The following SLC39A11 variants were observed in gnomAD, a reference collection of about 807,000 sequenced individuals.
The protein encoded by SLC39A11 is zinc transporter ZIP11.
SLC39A11 carries 33 observed loss-of-function variants against 36.1 expected under a neutral mutation model. The observed-to-expected ratio is 0.91, with a 90% confidence interval of 0.69 to 1.22. The LOEUF (loss-of-function observed/expected upper bound fraction) is 1.22. Ranked by LOEUF, SLC39A11 falls within the 50% of genes most tolerant of loss-of-function variation. SLC39A11 has a pLI of 0.00. For missense variants in SLC39A11, 432 were observed against 430.3 expected, an observed-to-expected ratio of 1.00 and a Z score of -0.03; for synonymous variants, 166 against 170.3, an observed-to-expected ratio of 0.97 and a Z score of 0.20.
chr17:72,817,237 G>A (rs1454259033), intron 6 of SLC39A11, among the ~76,000 whole-genome samples: 3 of 151,666 alleles, frequency 2.0e-5, no homozygotes, highest in Admixed American at 1.3e-4. Flanking sequence ...CATGGTGGAA[G>A]GCAAAGGGGA....
chr17:73,060,124 C>T (rs753999221), intron 3 of SLC39A11, among the ~76,000 whole-genome samples: 106 of 148,278 alleles, frequency 7.1e-4, no homozygotes, highest in Non-Finnish European at 1.4e-3. Context: ...CAGGAGAATT[C>T]GCCTGAAGCC....
intron 3 of SLC39A11, among the ~76,000 whole-genome samples, chr17:73,045,644 A>C (rs755803635): frequency 1.3e-5 from 2 of 152,120 alleles, no homozygotes; most frequent in Non-Finnish European, 1.5e-5. Context: ...CTACAAACCC[A>C]TTACTCTGAA....
intron 6 of SLC39A11, among the ~76,000 whole-genome samples, chr17:72,808,101 T>C (rs907873543): frequency 6.6e-6 from 1 of 152,040 alleles, no homozygotes. Context: ...TGTGTGAGTG[T>C]TGGGAAAACA....
intron 4 of SLC39A11, among the ~76,000 whole-genome samples, chr17:73,006,828 T>C (rs940958447): frequency 6.6e-5 from 10 of 152,172 alleles, no homozygotes; most frequent in Admixed American, 6.5e-5. Flanking sequence ...GAAGCGTTTA[T>C]TGCGGCGGGA....
chr17:72,757,375 A>G (rs1257762680), intron 6 of SLC39A11, among the ~76,000 whole-genome samples: 2 of 152,104 alleles, frequency 1.3e-5, no homozygotes, highest in African/African-American at 2.4e-5. Context: ...TGATGACTCA[A>G]TTGAGTTTCT....
At position 72,849,724 on chromosome 17, in the gene SLC39A11, G is replaced by C. The variant is rs561779094; in HGVS notation, c.511C>G (p.Pro171Ala). Residue 171 changes from proline to alanine, a missense_variant, in exon 6 of 10, where the codon CCT becomes GCT. By Grantham distance (27) the Pro-to-Ala change is conservative. Coordinates refer to ENST00000255559, the MANE Select transcript of SLC39A11 (RefSeq NM_139177.4). ...GLPEGPAVPV[P>A]SRGNLAQPGG... ...GGCTGTGCCAGATTCCCTCGAGAAG[G>C]CACAGGGACAGCAGGACCCTCTGGA... 1 of 1,611,570 alleles carries C rather than the reference G, an allele frequency of 6.2e-7. No individual in the cohort carries two copies. The highest frequency in any genetic ancestry group is 1.3e-5 in the African/African-American group (1 of 74,728).
chr17:72,936,586 T>A lies in SLC39A11; in HGVS notation c.430+11166A>T, dbSNP rs573701079. 2.2e-4 allele frequency among the ~76,000 whole-genome samples: 33 copies of A among 152,202 alleles called. No homozygotes were observed. In the South Asian group the frequency reaches 5.4e-3, roughly 25 times the overall value. ...CTCTGGGCAGGCAGATCTGAAGACC[T>A]GAGAAAAACCAAACCTCAAACTCTG... On this transcript the variant is annotated intron_variant, in intron 5 of 9. Transcript: ENST00000255559.
intron 5 of SLC39A11, among the ~76,000 whole-genome samples, chr17:72,932,543 G>C (rs1010508424): frequency 1.4e-5 from 2 of 144,574 alleles, no homozygotes; most frequent in African/African-American, 2.6e-5. Context: ...CCCTGATTCA[G>C]AGAGTGTTCG....
chr17:72,903,748 TTTTA>T (rs1243626164), intron 5 of SLC39A11, among the ~76,000 whole-genome samples: 1 of 152,178 alleles, frequency 6.6e-6, no homozygotes, highest in African/African-American at 2.4e-5. Context: ...TGATTGGTCT[TTTTA>T]TTTGTCTAGG....
chr17:72,801,733 A>G (rs1568116446), intron 6 of SLC39A11, among the ~76,000 whole-genome samples: 2 of 152,228 alleles, frequency 1.3e-5, no homozygotes, highest in African/African-American at 4.8e-5. Context: ...ATGAGTAACA[A>G]GGGATCTTTT....
At chr17:72,925,662 T>C (rs6501582) in intron 5 of SLC39A11, among the ~76,000 whole-genome samples, 19,337 of 152,186 alleles carry the variant, frequency 0.13, 2,417 homozygotes, top group African/African-American at 0.33. Flanking sequence ...TACTTCCCTG[T>C]ACAATGTCAG....
At chr17:72,841,999 G>T (rs750254621) in intron 6 of SLC39A11, among the ~76,000 whole-genome samples, 25 of 152,102 alleles carry the variant, frequency 1.6e-4, no homozygotes, top group Non-Finnish European at 3.4e-4. Flanking sequence ...CTGAGCCCAA[G>T]GTTGAGGCCG....
chr17:72,964,047 A>G (rs1450223119), intron 4 of SLC39A11, among the ~76,000 whole-genome samples: 2 of 152,084 alleles, frequency 1.3e-5, no homozygotes. Context: ...CCAAAAGTAC[A>G]AAGGTGGCTC....
intron 3 of SLC39A11, among the ~76,000 whole-genome samples, chr17:73,037,408 A>G (rs2058956923): frequency 6.6e-6 from 1 of 152,254 alleles, no homozygotes; most frequent in African/African-American, 2.4e-5. Context: ...GTGCAGGAAT[A>G]GAAAGCAGGG....
chr17:72,878,476 T>C (rs964701993), intron 5 of SLC39A11, among the ~76,000 whole-genome samples: 6 of 152,192 alleles, frequency 3.9e-5, no homozygotes, highest in Admixed American at 6.5e-5. Flanking sequence ...GTTCCTGTTT[T>C]TCTCTCTTGG....
intron 7 of SLC39A11, among the ~76,000 whole-genome samples, chr17:72,656,526 G>A (rs975212963): frequency 2.0e-5 from 3 of 152,018 alleles, no homozygotes; most frequent in African/African-American, 7.3e-5. Flanking sequence ...GGAAGGAGAC[G>A]GGGGAGGCGG....
intron 4 of SLC39A11, among the ~76,000 whole-genome samples, chr17:72,960,310 T>C (rs1056140653): frequency 7.2e-5 from 11 of 152,230 alleles, no homozygotes; most frequent in Admixed American, 2.0e-4. Flanking sequence ...CATAGATAGA[T>C]AGATAAATAG....
intron 5 of SLC39A11, among the ~76,000 whole-genome samples, chr17:72,944,427 G>C (rs2085297555): frequency 6.6e-6 from 1 of 152,184 alleles, no homozygotes; most frequent in Non-Finnish European, 1.5e-5. Flanking sequence ...CTTGACAGCT[G>C]AGTGGGGACA....
chr17:73,029,718 A>AT (rs1442365184), intron 4 of SLC39A11, among the ~76,000 whole-genome samples: 3 of 151,928 alleles, frequency 2.0e-5, no homozygotes, highest in African/African-American at 7.3e-5. Context: ...AGTAGCTGGG[A>AT]TTACAGGTGC....
Sources: allele counts gnomAD v4.1 joint callset (sites outside exome capture counted in the v4.1 genomes callset), GRCh38; gene constraint gnomAD v4.1.1; transcripts MANE v1.5; gene names NCBI Gene and HGNC (gene_info 2026-07-23, HGNC 2026-07-21).